PTPRG: variants seen among roughly 807,000 people sequenced by gnomAD.
PTPRG encodes the protein receptor-type tyrosine-protein phosphatase gamma.
PTPRG carries 102 observed loss-of-function variants against 165.3 expected under a neutral mutation model. The ratio of observed to expected loss-of-function variants is 0.62; its 90% CI spans 0.53 to 0.73. PTPRG has a LOEUF of 0.73. PTPRG is among the 30% of genes least tolerant of loss of function. The pLI, the probability that PTPRG is intolerant of heterozygous loss-of-function variation, is 0.00. For missense variants in PTPRG, 1,866 were observed against 1,861.4 expected, an observed-to-expected ratio of 1.00 and a Z score of -0.05; for synonymous variants, 675 against 669.5, an observed-to-expected ratio of 1.01 and a Z score of -0.13.
intron 2 of PTPRG, among the ~76,000 whole-genome samples, chr3:61,954,519 G>A (rs1055023322): frequency 4.6e-5 from 7 of 152,136 alleles, no homozygotes; most frequent in Admixed American, 1.3e-4. Flanking sequence ...TCTATTAGAT[G>A]AGGTAAGCAA....
At chr3:61,575,598 C>CTTTTTT (rs34363041) in intron 1 of PTPRG, among the ~76,000 whole-genome samples, 4 of 117,304 alleles carry the variant, frequency 3.4e-5, no homozygotes, top group Non-Finnish European at 5.1e-5. Context: ...GCACACAGAA[C>CTTTTTT]TTTTTTTTTT....
At chr3:61,681,965 C>A (rs1183609809) in intron 1 of PTPRG, among the ~76,000 whole-genome samples, 2 of 151,940 alleles carry the variant, frequency 1.3e-5, no homozygotes, top group African/African-American at 2.4e-5. Flanking sequence ...GCCTGGCCAA[C>A]ATAGTGAAAA....
chr3:61,996,578 G>A lies in PTPRG; in HGVS notation c.371-6771G>A, dbSNP rs186183305. Among the ~76,000 whole-genome samples the A allele has an allele frequency of 2.6e-5, 4 of 152,262 alleles. No homozygotes were observed. In the East Asian group the frequency reaches 5.8e-4, roughly 22 times the overall value. Reference sequence around the variant, plus strand: ...GCCCTTGGCATTGTTTATATTGGGCGTGTCTAATATAAACAGTGTCTTTGT... The same window carrying A: ...GCCCTTGGCATTGTTTATATTGGGCATGTCTAATATAAACAGTGTCTTTGT... On this transcript the variant is annotated intron_variant, in intron 3 of 29. Transcript: ENST00000474889.
At chr3:62,157,907 TAG>T (rs1324972399) in intron 7 of PTPRG, among the ~76,000 whole-genome samples, 4 of 149,242 alleles carry the variant, frequency 2.7e-5, no homozygotes, top group African/African-American at 1.0e-4. Context: ...AACACAAACA[TAG>T]AGAGATGGGT....
chr3:62,095,458 C>A (rs1254053534), intron 5 of PTPRG, among the ~76,000 whole-genome samples: 3 of 152,182 alleles, frequency 2.0e-5, no homozygotes, highest in Non-Finnish European at 1.5e-5. Flanking sequence ...AAGAGTGTTA[C>A]TGTCTCAGCC....
At chr3:61,754,594 A>G (rs1052437546) in intron 2 of PTPRG, among the ~76,000 whole-genome samples, 2 of 152,168 alleles carry the variant, frequency 1.3e-5, no homozygotes, top group African/African-American at 2.4e-5. Flanking sequence ...AAGTGGATAC[A>G]CGGATAAATT....
chr3:61,945,158 C>T (rs1389838915), intron 2 of PTPRG, among the ~76,000 whole-genome samples: 1 of 152,084 alleles, frequency 6.6e-6, no homozygotes, highest in Non-Finnish European at 1.5e-5. Context: ...GGTATATAGT[C>T]TTGGCCAACA....
chr3:61,678,087 G>A (rs1255508277), intron 1 of PTPRG, among the ~76,000 whole-genome samples: 7 of 152,140 alleles, frequency 4.6e-5, no homozygotes, highest in South Asian at 2.1e-4. Context: ...AAACAGTGCC[G>A]TGAATGAGGG....
At chr3:62,221,957 GTGCCAAGCACTT>G (rs1700660701) in intron 13 of PTPRG, among the ~76,000 whole-genome samples, 2 of 152,256 alleles carry the variant, frequency 1.3e-5, no homozygotes, top group Non-Finnish European at 2.9e-5. Context: ...GCCAGGCACT[GTGCCAAGCACTT>G]GGGTGGCACC....
intron 4 of PTPRG, among the ~76,000 whole-genome samples, chr3:62,064,328 A>G (rs1700927860): frequency 6.6e-6 from 1 of 152,190 alleles, no homozygotes; most frequent in African/African-American, 2.4e-5. Flanking sequence ...GACACAAACT[A>G]TACTGAGTTG....
chr3:62,120,931 G>A (rs1462871747), intron 5 of PTPRG, among the ~76,000 whole-genome samples: 1 of 151,818 alleles, frequency 6.6e-6, no homozygotes. Context: ...TTATTTGGGA[G>A]AAAGAATGGC....
At chr3:62,142,354 C>G (rs1405862721) in intron 6 of PTPRG, among the ~76,000 whole-genome samples, 2 of 151,996 alleles carry the variant, frequency 1.3e-5, no homozygotes, top group African/African-American at 2.4e-5. Context: ...GAGAGAGTGA[C>G]AAGGGGCTGG....
intron 1 of PTPRG, among the ~76,000 whole-genome samples, chr3:61,691,563 T>A (rs2030216478): frequency 6.6e-6 from 1 of 152,136 alleles, no homozygotes; most frequent in Non-Finnish European, 1.5e-5. Context: ...ATGGTATGAA[T>A]CAAACTGTGT....
In PTPRG at chr3:61,956,624, A is replaced by G. The variant is rs1021693748; in HGVS notation, c.191-33001A>G. Among the ~76,000 whole-genome samples, 13 of 152,226 alleles carry G rather than the reference A, an allele frequency of 8.5e-5. No homozygotes were observed. In the South Asian group the frequency reaches 1.0e-3, roughly 12 times the overall value. ...ATATCTGGAGATTAAAAGCAGGCAAACAGAAGGGAAATAAGGAAAATGAAG... is the reference window on the plus strand; with the variant it reads ...ATATCTGGAGATTAAAAGCAGGCAAGCAGAAGGGAAATAAGGAAAATGAAG... On this transcript the variant is annotated intron_variant, in intron 2 of 29. Transcript: ENST00000474889.
intron 1 of PTPRG, among the ~76,000 whole-genome samples, chr3:61,601,676 A>G (rs1700872524): frequency 6.6e-6 from 1 of 152,192 alleles, no homozygotes; most frequent in African/African-American, 2.4e-5. Context: ...TATTTGGAAA[A>G]GTGACAAAAC....
Position 62,229,205 on chromosome 3 carries a change from T to G in PTPRG, c.2289-2020T>G, listed in dbSNP as rs1037595105. The stretch of plus-strand genomic sequence containing the variant: ...AAAGAGATGGGGGTAGGGAGTCTTT[T>G]GAGGTCCCCAAACTGTTCCTGGAGG... On this transcript the variant is annotated intron_variant, in intron 13 of 29. Coordinates refer to ENST00000474889, the MANE Select transcript of PTPRG (RefSeq NM_002841.4). This position sits in a 1 kb window ranked among gnomAD's most constrained non-coding sequence, Gnocchi z 4.6. 2.6e-5 allele frequency among the ~76,000 whole-genome samples: 4 copies of G among 152,188 alleles called. No individual in the cohort carries two copies. Among genetic ancestry groups the G allele is most frequent in the African/African-American group, 9.7e-5 (4 of 41,432 alleles).
intron 2 of PTPRG, among the ~76,000 whole-genome samples, chr3:61,987,392 C>T (rs1200087852): frequency 6.6e-6 from 1 of 152,148 alleles, no homozygotes; most frequent in East Asian, 1.9e-4. Flanking sequence ...TTGTATTTTA[C>T]CCATGTCTGG....
chr3:62,165,611 A>G (rs1170511032), intron 7 of PTPRG, among the ~76,000 whole-genome samples: 3 of 152,180 alleles, frequency 2.0e-5, no homozygotes, highest in Non-Finnish European at 4.4e-5. Flanking sequence ...TAACTCAGAG[A>G]ATTGAAGTAA....
intron 2 of PTPRG, among the ~76,000 whole-genome samples, chr3:61,815,527 C>T (rs895007213): frequency 1.3e-5 from 2 of 152,168 alleles, no homozygotes; most frequent in Non-Finnish European, 1.5e-5. Flanking sequence ...ATAACCATGT[C>T]TCAGTGTCAT....
Sources: allele counts gnomAD v4.1 joint callset (sites outside exome capture counted in the v4.1 genomes callset), GRCh38; gene constraint gnomAD v4.1.1; non-coding constraint Gnocchi (gnomAD v3.1); transcripts MANE v1.5; gene names NCBI Gene and HGNC (gene_info 2026-07-23, HGNC 2026-07-21).